CAMTA1: variants seen among roughly 807,000 people sequenced by gnomAD.
CAMTA1 encodes the protein calmodulin-binding transcription activator 1.
In CAMTA1, 27 loss-of-function variants were observed where a neutral mutation model predicts 170.9. The ratio of observed to expected loss-of-function variants is 0.16; its 90% confidence interval spans 0.12 to 0.22. CAMTA1 has a LOEUF of 0.22. Ranked by LOEUF, CAMTA1 falls within the 10% of genes least tolerant of loss-of-function variation. The pLI, the probability that CAMTA1 is intolerant of heterozygous loss-of-function variation, is 1.00. For missense variants in CAMTA1, 1,619 were observed against 2,217.2 expected, an observed-to-expected ratio of 0.73 and a Z score of 5.42; for synonymous variants, 833 against 891.5, an observed-to-expected ratio of 0.93 and a Z score of 1.17.
chr1:7,464,697 C>T (rs1024535274), intron 5 of CAMTA1, among the ~76,000 whole-genome samples: 1 of 152,170 alleles, frequency 6.6e-6, no homozygotes, highest in African/African-American at 2.4e-5. Context: ...CTTTTGCAGC[C>T]TCCTCTGATG....
intron 6 of CAMTA1, among the ~76,000 whole-genome samples, chr1:7,583,213 A>G (rs1287901548): frequency 6.6e-6 from 1 of 151,924 alleles, no homozygotes; most frequent in African/African-American, 2.4e-5. Context: ...ACTCAGTTCC[A>G]CATTGCATGG....
intron 5 of CAMTA1, among the ~76,000 whole-genome samples, chr1:7,309,262 G>C (rs1243383820): frequency 4.4e-5 from 5 of 114,766 alleles, no homozygotes; most frequent in African/African-American, 6.7e-5. Flanking sequence ...GACAATCTCT[G>C]TCTTTTCATT....
chr1:7,559,066 G>A (rs749090307), intron 6 of CAMTA1, among the ~76,000 whole-genome samples: 5 of 152,182 alleles, frequency 3.3e-5, no homozygotes, highest in Non-Finnish European at 5.9e-5. Context: ...GAGCCACCAG[G>A]AGAGAAAGGC....
intron 5 of CAMTA1, among the ~76,000 whole-genome samples, chr1:7,348,266 G>A (rs1173488028): frequency 1.3e-5 from 2 of 152,164 alleles, no homozygotes; most frequent in Non-Finnish European, 2.9e-5. Flanking sequence ...TCTGGCCTTG[G>A]TCTCGACGAC....
intron 3 of CAMTA1, among the ~76,000 whole-genome samples, chr1:6,915,583 T>A (rs1296194334): frequency 6.6e-6 from 1 of 151,628 alleles, no homozygotes; most frequent in Admixed American, 6.6e-5. Context: ...CTAGAGAGAG[T>A]GGACAACGTG....
At chr1:7,715,018 A>T (rs1334652461) in intron 11 of CAMTA1, among the ~76,000 whole-genome samples, 1 of 152,176 alleles carries the variant, frequency 6.6e-6, no homozygotes, top group African/African-American at 2.4e-5. Context: ...GTTTTCTGTG[A>T]AACAGTTTTC....
At chr1:7,458,911 T>C (rs2093021337) in intron 5 of CAMTA1, among the ~76,000 whole-genome samples, 1 of 152,272 alleles carries the variant, frequency 6.6e-6, no homozygotes, top group Admixed American at 6.5e-5. Context: ...AAACTCGTTT[T>C]AAAGCAATTC....
chr1:7,506,753 TCA>T (rs775096697), intron 6 of CAMTA1, among the ~76,000 whole-genome samples: 8 of 150,410 alleles, frequency 5.3e-5, no homozygotes, highest in African/African-American at 1.5e-4. Flanking sequence ...ACACAAAATC[TCA>T]CATGCTCACA....
chr1:7,657,901 C>T (rs1018562915), intron 7 of CAMTA1, among the ~76,000 whole-genome samples: 2 of 152,160 alleles, frequency 1.3e-5, no homozygotes, highest in Non-Finnish European at 2.9e-5. Flanking sequence ...CATTTTATAA[C>T]CTTCACAACA....
intron 4 of CAMTA1, among the ~76,000 whole-genome samples, chr1:7,150,418 G>A (rs1179700337): frequency 1.3e-5 from 2 of 152,134 alleles, no homozygotes; most frequent in South Asian, 2.1e-4. Flanking sequence ...CAGATGGGGA[G>A]GGGAGATGCT....
intron 3 of CAMTA1, among the ~76,000 whole-genome samples, chr1:6,890,882 G>A (rs1674368582): frequency 6.6e-6 from 1 of 152,174 alleles, no homozygotes; most frequent in Non-Finnish European, 1.5e-5. Flanking sequence ...TGCTTGGCCA[G>A]ATTCTGTACT....
chr1:7,373,017 G>T (rs1030656622), intron 5 of CAMTA1, among the ~76,000 whole-genome samples: 25 of 152,178 alleles, frequency 1.6e-4, no homozygotes, highest in African/African-American at 5.8e-4. Context: ...AGCTCCACAG[G>T]TTCTTGCCAG....
At chr1:6,943,846 C>CAAAAAAAAAAAA (rs1198830005) in intron 3 of CAMTA1, among the ~76,000 whole-genome samples, 1 of 51,700 alleles carries the variant, frequency 1.9e-5, no homozygotes, top group Non-Finnish European at 3.8e-5. Context: ...GACTCTGTCT[C>CAAAAAAAAAAAA]AAAAAAAAAA....
At chr1:7,028,458 GC>G (rs1702304450) in intron 3 of CAMTA1, among the ~76,000 whole-genome samples, 1 of 152,182 alleles carries the variant, frequency 6.6e-6, no homozygotes, top group Non-Finnish European at 1.5e-5. Context: ...GCTGTCTCTA[GC>G]ACAGGTGTCT....
intron 3 of CAMTA1, among the ~76,000 whole-genome samples, chr1:6,976,601 G>C (rs1310080189): frequency 6.6e-6 from 1 of 152,198 alleles, no homozygotes; most frequent in Non-Finnish European, 1.5e-5. Context: ...CCCTAGGTGA[G>C]TGGCTTGCCC....
intron 5 of CAMTA1, among the ~76,000 whole-genome samples, chr1:7,379,807 C>T (rs993980454): frequency 3.9e-5 from 6 of 152,242 alleles, no homozygotes; most frequent in Non-Finnish European, 8.8e-5. Flanking sequence ...TTGCCTCTTC[C>T]TCCTAAGGAC....
chr1:7,486,702 G>A (rs1222159618), intron 6 of CAMTA1, among the ~76,000 whole-genome samples: 1 of 152,196 alleles, frequency 6.6e-6, no homozygotes, highest in Non-Finnish European at 1.5e-5. Context: ...TGACCCAAGT[G>A]CATCTTTCAT....
At chr1:7,047,776 A>G (rs1705644049) in intron 3 of CAMTA1, among the ~76,000 whole-genome samples, 1 of 146,300 alleles carries the variant, frequency 6.8e-6, no homozygotes, top group Non-Finnish European at 1.5e-5. Flanking sequence ...TGATAAGTGC[A>G]GCTTCTCCAC....
intron 3 of CAMTA1, among the ~76,000 whole-genome samples, chr1:6,996,147 A>G (rs1697217634): frequency 6.6e-6 from 1 of 152,254 alleles, no homozygotes; most frequent in African/African-American, 2.4e-5. Flanking sequence ...AAAACATCAG[A>G]ATAAACAGAC....
Sources: allele counts gnomAD v4.1 joint callset (sites outside exome capture counted in the v4.1 genomes callset), GRCh38; gene constraint gnomAD v4.1.1; transcripts MANE v1.5; gene names NCBI Gene and HGNC (gene_info 2026-07-23, HGNC 2026-07-21).